The following SEPTIN4 variants were observed in gnomAD, a reference collection of about 807,000 sequenced individuals.
The protein encoded by SEPTIN4 is septin 4.
SEPTIN4 carries 52 observed loss-of-function variants against 107.1 expected under a neutral mutation model. The ratio of observed to expected loss-of-function variants is 0.49; its 90% CI spans 0.39 to 0.61. The LOEUF is 0.61. SEPTIN4 is among the 20% of genes least tolerant of loss of function. SEPTIN4 has a pLI of 0.00. For missense variants in SEPTIN4, 1,048 were observed against 1,243.5 expected (o/e 0.84, Z 2.36); for synonymous variants, 417 against 467.0 (o/e 0.89, Z 1.38).
At position 58,526,833 on chromosome 17, in the gene SEPTIN4, G is replaced by A. The variant is rs748086487; in HGVS notation, c.1760C>T (p.Pro587Leu). 1.6e-5 allele frequency: 26 copies of A among 1,613,456 alleles called. No individual in the cohort carries two copies. The highest frequency in any genetic ancestry group is 9.4e-5 in the African/African-American group (7 of 74,810). Residue 587 changes from proline (P) to leucine (L), a missense_variant, in exon 4 of 14, where the codon CCG becomes CTG. Pro to Leu is a moderately conservative substitution (Grantham distance 98). This residue lies in a region of SEPTIN4 where 787 missense variants were observed against 871.8 expected (regional missense o/e 0.90). Transcript: ENST00000672673. ...CTCCAGGTCATCATCATAGAGGTCC[G>A]GGGCCTGGGGCCTTGGCTCCGGGAC... Reference protein sequence around the residue: ...PQVPEPRPQAPDLYDDDLEFR... With the variant: ...PQVPEPRPQALDLYDDDLEFR...
chr17:58,527,802 A>T, intron 3 of SEPTIN4: 1 of 981,382 alleles, frequency 1.0e-6, no homozygotes, highest in Non-Finnish European at 1.2e-6. Flanking sequence ...ATATAAGGGG[A>T]AGCACCCTGA....
In SEPTIN4 at chr17:58,528,123, C is replaced by G. The variant is rs181073223; in HGVS notation, c.1615-1145G>C. 2.2e-5 allele frequency: 18 copies of G among 813,510 alleles called. No individual in the cohort carries two copies. In the East Asian group the frequency reaches 2.0e-3, roughly 91 times the overall value. The allele number at this position is 813,510 out of a possible 1,614,324, so 50.4% of individuals were successfully genotyped here. On this transcript the variant is annotated intron_variant, in intron 3 of 13. Coordinates refer to ENST00000672673, the MANE Select transcript of SEPTIN4 (RefSeq NM_001368771.2). ...GACAAGGGCCGGCTGCAGAGGCTGA[C>G]TCACTCTCTGAGGGTTAGCCAAGCC... is the stretch of plus-strand genomic sequence containing the variant.
In SEPTIN4 at chr17:58,522,763, C is replaced by A. The variant is rs115967537; in HGVS notation, c.2217-662G>T. Reference sequence around the variant, plus strand: ...ACCCTAAGTCAGGTTTCCAGTGTAACCTCAGAGCCTCTTTGCTCATGTGTT... The same window carrying A: ...ACCCTAAGTCAGGTTTCCAGTGTAAACTCAGAGCCTCTTTGCTCATGTGTT... On this transcript the variant is annotated intron_variant, in intron 7 of 13. Transcript: ENST00000672673. Among the ~76,000 whole-genome samples the A allele has an allele frequency of 2.2e-3, 329 of 152,090 alleles. 3 individuals are homozygous for A. Among genetic ancestry groups the A allele is most frequent in the African/African-American group, 7.6e-3 (316 of 41,480 alleles).
Position 58,542,927 on chromosome 17 carries a change from C to A in SEPTIN4, c.1260G>T (p.Arg420Ser). 1 of 1,614,216 alleles carries A rather than the reference C, an allele frequency of 6.2e-7. No individual in the cohort carries two copies. Among genetic ancestry groups the A allele is most frequent in the Non-Finnish European group, 8.5e-7 (1 of 1,180,040 alleles). ...GCCACCATGAGGAGTCAGGTCCGTA[C>A]CTAGGTAAGGACCGAGGAGGCAAGG... Reference protein sequence around the residue: ...PRPLPPRSLPRYGPDSSWWPL... With the variant: ...PRPLPPRSLPSYGPDSSWWPL... Residue 420 changes from arginine to serine, a missense_variant, in exon 1 of 14, where the codon AGG becomes AGT. Transcript: ENST00000672673.
chr17:58,522,654 C>CAAAAAAAAA (rs1233539293), intron 7 of SEPTIN4, among the ~76,000 whole-genome samples: 1 of 52,642 alleles, frequency 1.9e-5, no homozygotes, highest in Non-Finnish European at 4.2e-5. Flanking sequence ...CAGACTGTCA[C>CAAAAAAAAA]AAAAAAAAAA....
intron 7 of SEPTIN4, 144 bp from the exon 8 acceptor site, chr17:58,522,245 A>C (rs1472662568): frequency 1.3e-5 from 14 of 1,091,996 alleles, no homozygotes; most frequent in Non-Finnish European, 1.7e-5. Flanking sequence ...ATCTTTAGAG[A>C]AATTCCTGAA....
Position 58,543,787 on chromosome 17 carries a change from C to T in SEPTIN4, c.400G>A (p.Gly134Ser), listed in dbSNP as rs1430975125. The change falls in exon 1 of 14, where the codon GGC (glycine) becomes AGC (serine). Residue 134 changes from glycine (G) to serine (S), a missense_variant. Gly to Ser is a moderately conservative substitution (Grantham distance 56). Around this residue, in one of 2 missense-constraint regions of SEPTIN4, gnomAD observed 787 missense variants for 871.8 expected, o/e 0.90. Transcript: ENST00000672673. ...SPPREEAARR[G>S]SESKSGREVG... The stretch of plus-strand genomic sequence containing the variant: ...TCGCGCCCTGACTTGCTCTCACTGC[C>T]TCTTCGTGCTGCTTCCTCTCTGGGT... 2 of 1,614,072 alleles carry T rather than the reference C, an allele frequency of 1.2e-6. No individual in the cohort carries two copies. The highest frequency in any genetic ancestry group is 1.3e-5 in the African/African-American group (1 of 74,912).
At chr17:58,532,185 C>CTG (rs1432197637) in intron 3 of SEPTIN4, 2 of 852,562 alleles carry the variant, frequency 2.3e-6, no homozygotes, top group African/African-American at 3.6e-5. Flanking sequence ...GGGTGCCCAG[C>CTG]TGGGGGCCGG....
In SEPTIN4 at chr17:58,526,784, C is replaced by T. The variant is rs2042946925; in HGVS notation, c.1809G>A (p.Gln603=). Residue 603 remains glutamine (Q), a synonymous_variant, in exon 4 of 14, where the codon CAG becomes CAA. Coordinates refer to ENST00000672673, the MANE Select transcript of SEPTIN4 (RefSeq NM_001368771.2). ...DLEFRPPSRP[Q]SSDNQQYFCA... ...AGAAGTACTGCTGGTTGTCAGAGGA[C>T]TGGGGCCGCGAGGGGGGTCTGAACT... is the stretch of plus-strand genomic sequence containing the variant. 1 of 1,613,708 alleles carries T rather than the reference C, an allele frequency of 6.2e-7. No individual in the cohort carries two copies. Among genetic ancestry groups the T allele is most frequent in the Non-Finnish European group, 8.5e-7 (1 of 1,179,900 alleles).
chr17:58,525,096 G>GGGCT lies in SEPTIN4; in HGVS notation c.2197_2198insAGCC (p.Ala733GlufsTer17), dbSNP rs1567957889. The GGGCT allele has an allele frequency of 6.2e-7, 1 of 1,614,168 alleles. No individual in the cohort carries two copies. Among genetic ancestry groups the GGGCT allele is most frequent in the South Asian group, 1.1e-5 (1 of 91,084 alleles). On this transcript the variant is annotated frameshift_variant, in exon 7 of 14. Transcript: ENST00000672673. LOFTEE classifies it high-confidence loss of function. Reference sequence around the variant, plus strand: ...GACATACCACTCTGTGTTGTTGACTGCATCCCCAAAACCTGGTGTGTCCAC... The same window carrying GGGCT: ...GACATACCACTCTGTGTTGTTGACTGGGCTCATCCCCAAAACCTGGTGTGTCCAC...
chr17:58,526,758 C>T lies in SEPTIN4; in HGVS notation c.1835G>A (p.Cys612Tyr). Reference sequence around the variant, plus strand: ...AGATGGGCTGAGAGGGGCTGGGGCACAGAAGTACTGCTGGTTGTCAGAGGA... The same window carrying T: ...AGATGGGCTGAGAGGGGCTGGGGCATAGAAGTACTGCTGGTTGTCAGAGGA... ...PQSSDNQQYF[C>Y]APAPLSPSAR... Residue 612 changes from cysteine to tyrosine, a missense_variant, in exon 4 of 14, where the codon TGT becomes TAT. Cys to Tyr is a radical substitution (Grantham distance 194). Around this residue, in one of 2 missense-constraint regions of SEPTIN4, gnomAD observed 787 missense variants for 871.8 expected, o/e 0.90. Transcript: ENST00000672673. 6.2e-7 allele frequency: 1 copy of T among 1,613,392 alleles called. No homozygotes were observed. Among genetic ancestry groups the T allele is most frequent in the Non-Finnish European group, 8.5e-7 (1 of 1,179,788 alleles).
chr17:58,537,035 C>A (rs117558455), intron 3 of SEPTIN4, among the ~76,000 whole-genome samples: 1 of 152,234 alleles, frequency 6.6e-6, no homozygotes, highest in Non-Finnish European at 1.5e-5. Context: ...TGAAAATACA[C>A]CAAAAAGTCC....
Position 58,521,797 on chromosome 17 carries a change from A to T in SEPTIN4, c.2408T>A (p.Val803Glu). ...TGTGTCTGCCTTAGCCAGGATAGGCACGATGTTGACCCGCTGATGCAGGGC... is the reference window on the plus strand; with the variant it reads ...TGTGTCTGCCTTAGCCAGGATAGGCTCGATGTTGACCCGCTGATGCAGGGC... ...MKALHQRVNI[V>E]PILAKADTLT... Residue 803 changes from valine to glutamate, a missense_variant, in exon 9 of 14, where the codon GTG becomes GAG. Around this residue, in one of 2 missense-constraint regions of SEPTIN4, gnomAD observed 261 missense variants for 371.7 expected, o/e 0.70. Coordinates refer to ENST00000672673, the MANE Select transcript of SEPTIN4 (RefSeq NM_001368771.2). This position sits in a 1 kb window ranked among gnomAD's most constrained non-coding sequence, Gnocchi z 6.4. 1 of 1,614,184 alleles carries T rather than the reference A, an allele frequency of 6.2e-7. No homozygotes were observed. Among genetic ancestry groups the T allele is most frequent in the Non-Finnish European group, 8.5e-7 (1 of 1,180,016 alleles).
In SEPTIN4 at chr17:58,526,226, C is replaced by A; in HGVS notation, c.1999G>T (p.Val667Leu). 6.3e-7 allele frequency: 1 copy of A among 1,593,110 alleles called. No individual in the cohort carries two copies. The highest frequency in any genetic ancestry group is 1.1e-5 in the South Asian group (1 of 87,736). The change falls in exon 5 of 14, where the codon GTG becomes TTG. Residue 667 changes from valine (V) to leucine (L), a missense_variant. Coordinates refer to ENST00000672673, the MANE Select transcript of SEPTIN4 (RefSeq NM_001368771.2). ...AGCCCTGCCCCTTTTTTACCTGCCA[C>A]CATGAGGGTAAAGTCAAAGCCTTTC... ...VKKGFDFTLM[V>L]AGESGLGKST...
chr17:58,535,168 C>T (rs1225885734), intron 3 of SEPTIN4, among the ~76,000 whole-genome samples: 3 of 152,346 alleles, frequency 2.0e-5, no homozygotes, highest in South Asian at 4.1e-4. Context: ...AACCAAAATA[C>T]ATTAAGCCCA....
At position 58,538,880 on chromosome 17, in the gene SEPTIN4, C is replaced by T. The variant is rs946979256; in HGVS notation, c.1614+1786G>A. Among the ~76,000 whole-genome samples, 1 of 152,242 alleles carries T rather than the reference C, an allele frequency of 6.6e-6. No individual in the cohort carries two copies. The highest frequency in any genetic ancestry group is 1.5e-5 in the Non-Finnish European group (1 of 68,048). On this transcript the variant is annotated intron_variant, in intron 3 of 13. Coordinates refer to ENST00000672673, the MANE Select transcript of SEPTIN4 (RefSeq NM_001368771.2). The surrounding 1 kb of genome is among the most constrained non-coding windows in gnomAD (Gnocchi z 4.7). Reference sequence around the variant, plus strand: ...TCAACAACAAACATGATGCCTTCCACAAGCCAGGCATCGTGGCCAGGCCAC... The same window carrying T: ...TCAACAACAAACATGATGCCTTCCATAAGCCAGGCATCGTGGCCAGGCCAC...
chr17:58,540,270 G>A (rs1332803824), intron 3 of SEPTIN4, among the ~76,000 whole-genome samples: 1 of 152,128 alleles, frequency 6.6e-6, no homozygotes, highest in African/African-American at 2.4e-5. Flanking sequence ...CCCCTTTCTG[G>A]AATGCCCCAG....
rs1598238116 is a variant in SEPTIN4, at chr17:58,520,275, A to C, written c.*151T>G. 3.0e-6 allele frequency: 2 copies of C among 668,046 alleles called. No individual in the cohort carries two copies. The highest frequency in any genetic ancestry group is 2.9e-5 in the Admixed American group (1 of 34,276). 41.4% of individuals were successfully genotyped at this position (668,046 alleles called of 1,614,324 possible). ...CCAGAAGCCACCTACAGATTTATTA[A>C]ACTTTATTTCCTCTGAGTCTCTGGG... On this transcript the variant is annotated 3_prime_UTR_variant, in exon 14 of 14. Coordinates refer to ENST00000672673, the MANE Select transcript of SEPTIN4 (RefSeq NM_001368771.2).
Position 58,521,988 on chromosome 17 carries a change from A to C in SEPTIN4, c.2330T>G (p.Phe777Cys). 1.9e-6 allele frequency: 3 copies of C among 1,614,224 alleles called. No individual in the cohort carries two copies. The highest frequency in any genetic ancestry group is 2.5e-6 in the Non-Finnish European group (3 of 1,180,052). ...ATACCCATGGCCGAAGGGTGAGATGAAGTACAGGCAGCAGTGCACCCTGTT... is the reference window on the plus strand; with the variant it reads ...ATACCCATGGCCGAAGGGTGAGATGCAGTACAGGCAGCAGTGCACCCTGTT... Reference protein sequence around the residue: ...QDNRVHCCLYFISPFGHGLRP... With the variant: ...QDNRVHCCLYCISPFGHGLRP... Residue 777 changes from phenylalanine to cysteine, a missense_variant, in exon 8 of 14, where the codon TTC becomes TGC. Phe to Cys is a radical substitution (Grantham distance 205, BLOSUM62 -2). Transcript: ENST00000672673. This position sits in a 1 kb window ranked among gnomAD's most constrained non-coding sequence, Gnocchi z 6.4.
Sources: gnomAD v4.1 joint callset for allele counts (sites outside exome capture counted in the v4.1 genomes callset) on GRCh38, gnomAD v4.1.1 for gene constraint, gnomAD v4.1.1 regional missense constraint, Gnocchi (gnomAD v3.1) non-coding constraint, MANE v1.5 for transcripts, NCBI Gene and HGNC (gene_info 2026-07-23, HGNC 2026-07-21) for gene names.